GRM5: variants seen among roughly 807,000 people sequenced by gnomAD.
GRM5 encodes glutamate metabotropic receptor 5, also known as metabotropic glutamate receptor 5.
Under a neutral mutation model 83.1 loss-of-function variants are expected in GRM5, and 19 were observed. That is an observed-to-expected ratio of 0.23 (90% CI 0.16 to 0.34). GRM5 has a LOEUF of 0.34. Ranked by LOEUF, GRM5 falls within the 10% of genes least tolerant of loss-of-function variation. The pLI is 1.00. For synonymous variants in GRM5, 675 were observed against 633.6 expected (o/e 1.07, Z -0.98); for missense variants, 1,160 against 1,588.3 (o/e 0.73, Z 4.58).
At chr11:88,572,895 T>A (rs1390176572) in intron 7 of GRM5, among the ~76,000 whole-genome samples, 5 of 152,172 alleles carry the variant, frequency 3.3e-5, no homozygotes, top group Non-Finnish European at 7.4e-5. Context: ...ATTTAGCATA[T>A]GTTATTATAT....
At chr11:88,991,328 GAGA>G (rs1939961021) in intron 2 of GRM5, among the ~76,000 whole-genome samples, 1 of 151,936 alleles carries the variant, frequency 6.6e-6, no homozygotes. Flanking sequence ...CCTCTTCAAG[GAGA>G]ACTACAAACC....
At chr11:88,713,888 T>C (rs1262061572) in intron 3 of GRM5, among the ~76,000 whole-genome samples, 2 of 151,980 alleles carry the variant, frequency 1.3e-5, no homozygotes, top group East Asian at 1.9e-4. Context: ...TAAGAAGAAA[T>C]TGAAAGCAAA....
rs556171640 is a variant in GRM5 at position 88,978,965 on chromosome 11, C to G, written c.661+68247G>C. On this transcript the variant is annotated intron_variant, in intron 2 of 9. Transcript: ENST00000305447. ...TACTGTGTGAGAAAAGACATAAATACTATAGAGTGTATCAAAATCCTTCAT... is the reference window on the plus strand; with the variant it reads ...TACTGTGTGAGAAAAGACATAAATAGTATAGAGTGTATCAAAATCCTTCAT... 2.5e-4 allele frequency among the ~76,000 whole-genome samples: 38 copies of G among 152,256 alleles called. 1 individual carries two copies. Among genetic ancestry groups the G allele is most frequent in the African/African-American group, 7.0e-4 (29 of 41,566 alleles).
chr11:89,023,008 C>T (rs541101635), intron 2 of GRM5, among the ~76,000 whole-genome samples: 10 of 152,250 alleles, frequency 6.6e-5, no homozygotes, highest in South Asian at 4.1e-4. Flanking sequence ...ATTTCTGACA[C>T]GTTCCCAGGT....
intron 2 of GRM5, among the ~76,000 whole-genome samples, chr11:89,013,875 C>A (rs999674699): frequency 6.6e-6 from 1 of 152,134 alleles, no homozygotes; most frequent in African/African-American, 2.4e-5. Context: ...TGCTCATTGA[C>A]TAGAAGTGAA....
intron 2 of GRM5, among the ~76,000 whole-genome samples, chr11:89,019,407 C>A (rs553477255): frequency 1.9e-4 from 29 of 151,926 alleles, no homozygotes; most frequent in Admixed American, 1.7e-3. Context: ...AAGAACAAAC[C>A]CTTTCAGCTG....
intron 2 of GRM5, among the ~76,000 whole-genome samples, chr11:88,963,855 T>C (rs1015307419): frequency 1.3e-5 from 2 of 152,174 alleles, no homozygotes; most frequent in African/African-American, 4.8e-5. Context: ...TTATGGCCAA[T>C]ATTTGGTAAA....
At chr11:88,837,795 G>C (rs769782593) in intron 3 of GRM5, among the ~76,000 whole-genome samples, 2 of 152,084 alleles carry the variant, frequency 1.3e-5, no homozygotes, top group Non-Finnish European at 2.9e-5. Context: ...AAAGACATAA[G>C]TTACGTCGGC....
intron 2 of GRM5, among the ~76,000 whole-genome samples, chr11:88,925,243 G>A (rs1945766308): frequency 6.6e-6 from 1 of 152,084 alleles, no homozygotes; most frequent in Non-Finnish European, 1.5e-5. Flanking sequence ...GTGTCTCTAT[G>A]TGATTTTAGT....
At chr11:88,718,328 T>C (rs543495546) in intron 3 of GRM5, among the ~76,000 whole-genome samples, 1 of 151,940 alleles carries the variant, frequency 6.6e-6, no homozygotes. Flanking sequence ...GTAAGCCTTT[T>C]AAAATGTATA....
In GRM5 at chr11:88,784,613, G is replaced by A. The variant is rs75987119; in HGVS notation, c.911+65293C>T. ...GACTGCAAAGCCTGTGTTCTTCATC[G>A]GTGTATTCTATCCCTTCCCATTCTA... On this transcript the variant is annotated intron_variant, in intron 3 of 9. Transcript: ENST00000305447. Among the ~76,000 whole-genome samples the A allele has an allele frequency of 5.5e-4, 83 of 152,064 alleles. No homozygotes were observed. The East Asian group carries it at 0.012, about 21-fold the overall frequency.
At chr11:88,606,941 GTTTT>G (rs36065663) in intron 4 of GRM5, among the ~76,000 whole-genome samples, 17 of 128,228 alleles carry the variant, frequency 1.3e-4, no homozygotes, top group African/African-American at 3.9e-4. Context: ...TAAGAAAGGT[GTTTT>G]TTTTTTTTTT....
In GRM5 at chr11:88,507,954, T is replaced by C. The variant is rs1157389557; in HGVS notation, c.*638A>G. 6.6e-6 allele frequency: 1 copy of C among 152,494 alleles called. No individual in the cohort carries two copies. The highest frequency in any genetic ancestry group is 1.5e-5 in the Non-Finnish European group (1 of 68,058). The allele number at this position is 152,494 out of a possible 1,614,324, so 9.4% of individuals were successfully genotyped here. ...CCCAATTGGAGAGGAAAATCTCTGG[T>C]AGAAGCCCTACGTAGTACATTAGCG... On this transcript the variant is annotated 3_prime_UTR_variant, in exon 10 of 10. Transcript: ENST00000305447.
intron 2 of GRM5, among the ~76,000 whole-genome samples, chr11:88,971,764 G>C (rs1939170875): frequency 6.6e-6 from 1 of 151,978 alleles, no homozygotes; most frequent in Non-Finnish European, 1.5e-5. Context: ...ACTCTCTTTA[G>C]AGGACATACA....
At chr11:88,997,582 T>A (rs1307063804) in intron 2 of GRM5, among the ~76,000 whole-genome samples, 2 of 151,556 alleles carry the variant, frequency 1.3e-5, no homozygotes, top group South Asian at 4.2e-4. Context: ...AGGACATGAA[T>A]TCATGAATTA....
At chr11:88,728,755 C>T (rs2135403944) in intron 3 of GRM5, among the ~76,000 whole-genome samples, 1 of 152,260 alleles carries the variant, frequency 6.6e-6, no homozygotes, top group African/African-American at 2.4e-5. Flanking sequence ...ATCACATAAA[C>T]AGAACCAGTG....
chr11:88,749,461 G>C (rs1489977143), intron 3 of GRM5, among the ~76,000 whole-genome samples: 1 of 152,116 alleles, frequency 6.6e-6, no homozygotes, highest in Non-Finnish European at 1.5e-5. Context: ...CTAAACTTAT[G>C]ACAGATTGGG....
intron 8 of GRM5, among the ~76,000 whole-genome samples, chr11:88,553,063 C>A (rs1043808824): frequency 3.3e-5 from 5 of 152,130 alleles, no homozygotes; most frequent in Non-Finnish European, 7.4e-5. Context: ...TCACTAAAGT[C>A]AATTTGCTCA....
intron 8 of GRM5, among the ~76,000 whole-genome samples, chr11:88,526,779 G>C (rs1197006322): frequency 6.6e-6 from 1 of 151,842 alleles, no homozygotes; most frequent in Non-Finnish European, 1.5e-5. Flanking sequence ...GAAGAAAAAT[G>C]GCTTATTACA....
Sources: allele counts gnomAD v4.1 joint callset (sites outside exome capture counted in the v4.1 genomes callset), GRCh38; gene constraint gnomAD v4.1.1; transcripts MANE v1.5; gene names NCBI Gene and HGNC (gene_info 2026-07-23, HGNC 2026-07-21).